ESRRB: variants seen among roughly 807,000 people sequenced by gnomAD.
ESRRB encodes the protein estrogen related receptor beta, also known as steroid hormone receptor ERR2.
A neutral mutation model predicts 46.0 loss-of-function variants in ESRRB; 16 were observed. The observed-to-expected ratio is 0.35, with a 90% CI of 0.24 to 0.53. ESRRB has a LOEUF of 0.53. ESRRB is among the 20% of genes least tolerant of loss of function. The probability of loss-of-function intolerance (pLI) is 0.93; values close to 1 mark genes in which losing one functional copy is unlikely to be tolerated. For synonymous variants in ESRRB, 246 were observed against 259.6 expected (o/e 0.95, Z 0.50); for missense variants, 488 against 607.4 (o/e 0.80, Z 2.07).
At chr14:76,407,111 G>A (rs1210988758) in intron 1 of ESRRB, among the ~76,000 whole-genome samples, 1 of 152,246 alleles carries the variant, frequency 6.6e-6, no homozygotes, top group East Asian at 1.9e-4. Flanking sequence ...AAGCTGATGT[G>A]CCGTCGGCCC....
At chr14:76,408,317 G>A (rs897936822) in intron 1 of ESRRB, among the ~76,000 whole-genome samples, 10 of 152,244 alleles carry the variant, frequency 6.6e-5, no homozygotes, top group Non-Finnish European at 1.5e-4. Context: ...AGTGGCTCAC[G>A]CCTGTAATCC....
rs368764141 is a variant in ESRRB at position 76,396,759 on chromosome 14, G to A, written c.50+20308G>A. Among the ~76,000 whole-genome samples, 36 of 152,288 alleles carry A rather than the reference G, an allele frequency of 2.4e-4. No homozygotes were observed. In the East Asian group the frequency reaches 3.3e-3, roughly 14 times the overall value. The stretch of plus-strand genomic sequence containing the variant: ...CAGGACAAACCCAGACAGAGGCTTA[G>A]CCCGGAGGCTCAACTTCCGGAGGCT... On this transcript the variant is annotated intron_variant, in intron 1 of 6. Coordinates refer to ENST00000644823, the MANE Select transcript of ESRRB (RefSeq NM_001379180.1).
At chr14:76,350,033 T>C (rs7160372) in intron 1 of ESRRB, among the ~76,000 whole-genome samples, 80,376 of 151,948 alleles carry the variant, frequency 0.53, 21,523 homozygotes, top group Non-Finnish European at 0.58. Context: ...AGTATTCTTT[T>C]AGTGAGTGAT....
chr14:76,365,710 A>G (rs1178223627), intron 1 of ESRRB, among the ~76,000 whole-genome samples: 4 of 152,220 alleles, frequency 2.6e-5, no homozygotes, highest in African/African-American at 7.2e-5. Flanking sequence ...AAAACTTGCT[A>G]ATTTGAAGCT....
Position 76,499,862 on chromosome 14 carries a change from G to A in ESRRB, c.*1404G>A. On this transcript the variant is annotated 3_prime_UTR_variant, in exon 7 of 7. Coordinates refer to ENST00000644823, the MANE Select transcript of ESRRB (RefSeq NM_001379180.1). ...CCCTGAACACCCATTTGTGCTCACA[G>A]GTTGGCCAAGAGCAGCTTAGAGGAT... 1 of 1,614,106 alleles carries A rather than the reference G, an allele frequency of 6.2e-7. No individual in the cohort carries two copies. Among genetic ancestry groups the A allele is most frequent in the Non-Finnish European group, 8.5e-7 (1 of 1,179,962 alleles).
At chr14:76,463,596 G>A (rs375760585) in intron 3 of ESRRB, among the ~76,000 whole-genome samples, 13 of 151,612 alleles carry the variant, frequency 8.6e-5, no homozygotes, top group Non-Finnish European at 1.2e-4. Context: ...ACAGGCGCCC[G>A]CCACCTCGCC....
At chr14:76,356,375 G>A (rs1270449847) in intron 1 of ESRRB, among the ~76,000 whole-genome samples, 3 of 152,170 alleles carry the variant, frequency 2.0e-5, no homozygotes, top group South Asian at 2.1e-4. Context: ...CACTCTAGGA[G>A]GCTGGTACTC....
At chr14:76,380,059 T>C (rs1884946378) in intron 1 of ESRRB, among the ~76,000 whole-genome samples, 1 of 152,160 alleles carries the variant, frequency 6.6e-6, no homozygotes, top group Non-Finnish European at 1.5e-5. Flanking sequence ...AGAGCACCCC[T>C]GGCCCTAGCT....
intron 5 of ESRRB, among the ~76,000 whole-genome samples, chr14:76,488,435 C>G (rs1366939455): frequency 6.6e-6 from 1 of 152,196 alleles, no homozygotes; most frequent in Non-Finnish European, 1.5e-5. Context: ...TCCCTCCCAC[C>G]ACCCAAGGGC....
At chr14:76,422,206 C>CTTTTT (rs552738537) in intron 1 of ESRRB, among the ~76,000 whole-genome samples, 34 of 94,764 alleles carry the variant, frequency 3.6e-4, no homozygotes, top group Non-Finnish European at 5.4e-4. Flanking sequence ...ACATTTCCTT[C>CTTTTT]TTTTTTTTTT....
At chr14:76,350,667 A>G (rs1054641247) in intron 1 of ESRRB, among the ~76,000 whole-genome samples, 5 of 152,234 alleles carry the variant, frequency 3.3e-5, no homozygotes, top group African/African-American at 1.2e-4. Context: ...CCCTCTGATG[A>G]GCCAGGTACA....
chr14:76,456,051 CACACACACACACACACACACACACACAA>C (rs1888595718), intron 2 of ESRRB, among the ~76,000 whole-genome samples: 1 of 145,766 alleles, frequency 6.9e-6, no homozygotes, highest in Non-Finnish European at 1.5e-5. Context: ...CACACACACA[CACACACACACACACACACACACACACAA>C]AAGAAAGAAA....
chr14:76,357,064 C>G (rs1884387587), intron 1 of ESRRB, among the ~76,000 whole-genome samples: 1 of 152,112 alleles, frequency 6.6e-6, no homozygotes, highest in African/African-American at 2.4e-5. Context: ...AGCTATAGCC[C>G]AGCTAATGGA....
At chr14:76,449,579 T>G (rs1229349268) in intron 2 of ESRRB, among the ~76,000 whole-genome samples, 1 of 151,864 alleles carries the variant, frequency 6.6e-6, no homozygotes, top group Non-Finnish European at 1.5e-5. Context: ...AGTTTGTTTT[T>G]ATTTACTCCC....
rs376103063 is a variant in ESRRB, at chr14:76,445,091, G to A, written c.460+5341G>A. 8.6e-5 allele frequency among the ~76,000 whole-genome samples: 13 copies of A among 150,742 alleles called. No homozygotes were observed. The East Asian group carries it at 2.4e-3, about 28-fold the overall frequency. On this transcript the variant is annotated intron_variant, in intron 2 of 6. Coordinates refer to ENST00000644823, the MANE Select transcript of ESRRB (RefSeq NM_001379180.1). Reference sequence around the variant, plus strand: ...GGAGGCTGAAGTGGGAGGATTGCTTGAGCCCAGGAGTTTGGAGGCTGCAGT... The same window carrying A: ...GGAGGCTGAAGTGGGAGGATTGCTTAAGCCCAGGAGTTTGGAGGCTGCAGT...
intron 1 of ESRRB, among the ~76,000 whole-genome samples, chr14:76,349,113 G>C (rs975607102): frequency 6.6e-6 from 1 of 152,196 alleles, no homozygotes; most frequent in South Asian, 2.1e-4. Context: ...GTGACCAGGG[G>C]GGTCACAGAG....
In ESRRB at chr14:76,410,909, G is replaced by A. The variant is rs538811811; in HGVS notation, c.51-28432G>A. Among the ~76,000 whole-genome samples, 38 of 151,862 alleles carry A rather than the reference G, an allele frequency of 2.5e-4. No homozygotes were observed. The East Asian group carries it at 2.9e-3, about 12-fold the overall frequency. ...AGTGATTCTTGTGCCTCAGCCTCCC[G>A]AGTAGCTGAGATTACAGGCAAGTGC... On this transcript the variant is annotated intron_variant, in intron 1 of 6. Transcript: ENST00000644823.
At chr14:76,326,089 G>A (rs755213) in intron 1 of ESRRB, among the ~76,000 whole-genome samples, 9,909 of 152,260 alleles carry the variant, frequency 0.065, 469 homozygotes, top group South Asian at 0.16. Flanking sequence ...AATCATATCT[G>A]TGCTCAGGGA....
Position 76,376,532 on chromosome 14 carries a change from C to A in ESRRB, c.50+81C>A, listed in dbSNP as rs1300878919. The A allele has an allele frequency of 3.8e-6, 4 of 1,045,694 alleles. No individual in the cohort carries two copies. Among genetic ancestry groups the A allele is most frequent in the South Asian group, 4.9e-5 (1 of 20,500 alleles). 64.8% of individuals were successfully genotyped at this position (1,045,694 alleles called of 1,614,324 possible). On this transcript the variant is annotated intron_variant, in intron 1 of 6. Coordinates refer to ENST00000644823, the MANE Select transcript of ESRRB (RefSeq NM_001379180.1). The surrounding 1 kb of genome is among the most constrained non-coding windows in gnomAD (Gnocchi z 4.1). ...CCTGGGGATCGCAGTTCCTTTTCTG[C>A]ACATTCTTGTGTAAAAGTGGAAGGG...
Sources: allele counts gnomAD v4.1 joint callset (sites outside exome capture counted in the v4.1 genomes callset), GRCh38; gene constraint gnomAD v4.1.1; non-coding constraint Gnocchi (gnomAD v3.1); transcripts MANE v1.5; gene names NCBI Gene and HGNC (gene_info 2026-07-23, HGNC 2026-07-21).